Variants in ZNF207 observed in about 807,000 individuals in gnomAD.
The protein encoded by ZNF207 is zinc finger protein 207, also known as BUB3-interacting and GLEBS motif-containing protein ZNF207.
Under a neutral mutation model 60.2 loss-of-function variants are expected in ZNF207, and 24 were observed. The ratio of observed to expected loss-of-function variants is 0.40; its 90% CI spans 0.29 to 0.56. The LOEUF is 0.56. Among genes scored for constraint, ZNF207 ranks in the 20% least tolerant of loss-of-function variants. The pLI is 0.49. For missense variants in ZNF207, 452 were observed against 636.6 expected, an observed-to-expected ratio of 0.71 and a Z score of 3.12; for synonymous variants, 236 against 194.7, an observed-to-expected ratio of 1.21 and a Z score of -1.77.
At chr17:32,363,428 G>A (rs1381378791) in intron 7 of ZNF207, among the ~76,000 whole-genome samples, 1 of 151,126 alleles carries the variant, frequency 6.6e-6, no homozygotes, top group Non-Finnish European at 1.5e-5. Flanking sequence ...AGGTTTCAAA[G>A]CAGCCAAAGT....
chr17:32,363,903 AATG>A (rs1905027283), intron 7 of ZNF207, among the ~76,000 whole-genome samples: 1 of 152,192 alleles, frequency 6.6e-6, no homozygotes, highest in African/African-American at 2.4e-5. Flanking sequence ...TCAGTGGCTC[AATG>A]ATATTTATTA....
chr17:32,362,156 G>GTA (rs1491338844), intron 6 of ZNF207, among the ~76,000 whole-genome samples: 1 of 136,900 alleles, frequency 7.3e-6, no homozygotes, highest in East Asian at 2.0e-4. Flanking sequence ...GTGTGTGTGT[G>GTA]TATATGTATG....
intron 7 of ZNF207, among the ~76,000 whole-genome samples, chr17:32,364,066 T>A (rs1905038042): frequency 6.6e-6 from 1 of 151,546 alleles, no homozygotes; most frequent in Admixed American, 6.6e-5. Flanking sequence ...AGGGTGTTGG[T>A]CTGATACTCG....
At chr17:32,352,369 A>G (rs2041524061) in intron 2 of ZNF207, among the ~76,000 whole-genome samples, 2 of 152,212 alleles carry the variant, frequency 1.3e-5, no homozygotes, top group East Asian at 3.8e-4. Context: ...CATTAAAAAA[A>G]ACAAAAAATT....
In ZNF207 at chr17:32,373,406, A is replaced by G. The variant is rs1348057608; in HGVS notation, c.*3647A>G. 3 of 692,300 alleles carry G rather than the reference A, an allele frequency of 4.3e-6. No homozygotes were observed. 42.9% of individuals were successfully genotyped at this position (692,300 alleles called of 1,614,324 possible). On this transcript the variant is annotated 3_prime_UTR_variant, in exon 12 of 12. Coordinates refer to ENST00000394670, the MANE Select transcript of ZNF207 (RefSeq NM_001098507.2). Reference sequence around the variant, plus strand: ...ATTTTCTTCTTCCTATAGCCCTGCCATAGGACAGGCTGAGGCTGAGTCTCA... The same window carrying G: ...ATTTTCTTCTTCCTATAGCCCTGCCGTAGGACAGGCTGAGGCTGAGTCTCA...
chr17:32,354,396 C>CGCCT, intron 2 of ZNF207, among the ~76,000 whole-genome samples: 1 of 152,102 alleles, frequency 6.6e-6, no homozygotes, highest in Middle Eastern at 3.4e-3. Context: ...CTGCAGCCTC[C>CGCCT]GCCTCCTGGG....
rs1905368910 is a variant in ZNF207 at position 32,369,520 on chromosome 17, T to A, written c.1324+66T>A. 3 of 1,601,142 alleles carry A rather than the reference T, an allele frequency of 1.9e-6. No homozygotes were observed. In the East Asian group the frequency reaches 6.7e-5, roughly 36 times the overall value. On this transcript the variant is annotated intron_variant, in intron 11 of 11. Transcript: ENST00000394670. ...TAAGTTCACGCATAAAATATTAAATTTATCTGCAGCATACGTTGCACTTAA... is the reference window on the plus strand; with the variant it reads ...TAAGTTCACGCATAAAATATTAAATATATCTGCAGCATACGTTGCACTTAA...
At position 32,368,020 on chromosome 17, in the gene ZNF207, T is replaced by C; in HGVS notation, c.1164+6T>C. Reference sequence around the variant, plus strand: ...CAGATGAGGATATATCCCTGGTAAGTTGCTTTTAGTTTTCTACGAGCAGCA... The same window carrying C: ...CAGATGAGGATATATCCCTGGTAAGCTGCTTTTAGTTTTCTACGAGCAGCA... On this transcript the variant is annotated splice_donor_region_variant and intron_variant, in intron 10 of 11. Coordinates refer to ENST00000394670, the MANE Select transcript of ZNF207 (RefSeq NM_001098507.2). 1 of 1,613,040 alleles carries C rather than the reference T, an allele frequency of 6.2e-7. No homozygotes were observed. The highest frequency in any genetic ancestry group is 8.5e-7 in the Non-Finnish European group (1 of 1,179,128).
intron 7 of ZNF207, among the ~76,000 whole-genome samples, chr17:32,364,458 A>C (rs1212875023): frequency 6.6e-6 from 1 of 151,150 alleles, no homozygotes; most frequent in African/African-American, 2.4e-5. Context: ...CCTGGGTTCA[A>C]GCGATTTTCT....
intron 2 of ZNF207, among the ~76,000 whole-genome samples, chr17:32,357,346 TTA>T (rs1491059254): frequency 1.9e-4 from 14 of 74,162 alleles, no homozygotes; most frequent in Admixed American, 1.3e-3. Context: ...ATTATTATTA[TTA>T]TTATTTTTTT....
Position 32,376,079 on chromosome 17 carries a change from A to G in ZNF207, c.*6320A>G, listed in dbSNP as rs1443023375. On this transcript the variant is annotated 3_prime_UTR_variant, in exon 12 of 12. Coordinates refer to ENST00000394670, the MANE Select transcript of ZNF207 (RefSeq NM_001098507.2). Reference sequence around the variant, plus strand: ...CAAAATAAGCACTTGATGTATGGTCATGTACATAATGGATATTCATTAATT... The same window carrying G: ...CAAAATAAGCACTTGATGTATGGTCGTGTACATAATGGATATTCATTAATT... 2.6e-5 allele frequency: 4 copies of G among 152,074 alleles called. No homozygotes were observed. The highest frequency in any genetic ancestry group is 2.6e-4 in the Admixed American group (4 of 15,274). 9.4% of individuals were successfully genotyped at this position (152,074 alleles called of 1,614,324 possible). A position where few individuals can be genotyped will look rare whatever the true frequency, so the allele number is the denominator to read the frequency against.
At chr17:32,358,262 T>C (rs866674797) in intron 2 of ZNF207, among the ~76,000 whole-genome samples, 1 of 152,364 alleles carries the variant, frequency 6.6e-6, no homozygotes, top group South Asian at 2.1e-4. Flanking sequence ...CAAGTGTTTT[T>C]TATATACAGT....
Position 32,381,725 on chromosome 17 carries a change from G to GA in ZNF207, c.*11968dup, listed in dbSNP as rs1905895553. ...TGCTTTATTTCCATATCTGAAGCCT[G>GA]AAGTTATTTTTTAGTTTGTTTTCAT... is the stretch of plus-strand genomic sequence containing the variant. On this transcript the variant is annotated 3_prime_UTR_variant, in exon 12 of 12. Coordinates refer to ENST00000394670, the MANE Select transcript of ZNF207 (RefSeq NM_001098507.2). 1 of 152,136 alleles carries GA rather than the reference G, an allele frequency of 6.6e-6. No homozygotes were observed. Among genetic ancestry groups the GA allele is most frequent in the Non-Finnish European group, 1.5e-5 (1 of 68,012 alleles). The allele number at this position is 152,136 out of a possible 1,614,324, so 9.4% of individuals were successfully genotyped here.
rs376474614 is a variant in ZNF207 at position 32,368,063 on chromosome 17, A to G, written c.1164+49A>G. On this transcript the variant is annotated intron_variant, in intron 10 of 11. Transcript: ENST00000394670. The stretch of plus-strand genomic sequence containing the variant: ...GAGCAGCATTTGATTTAAAGCCATT[A>G]TAGCAGTTCGTCCCTTTAAAATAAG... 20 of 1,605,940 alleles carry G rather than the reference A, an allele frequency of 1.2e-5. No homozygotes were observed. The African/African-American group carries it at 2.3e-4, about 18-fold the overall frequency.
Position 32,358,658 on chromosome 17 carries a change from GTTTTA to G in ZNF207, c.307+26_307+30del, listed in dbSNP as rs755783598. The stretch of plus-strand genomic sequence containing the variant: ...AAACACAAGGTAAATATTGGGATAA[GTTTTA>G]TTTTATTTATTTATTTTTTTTAATT... On this transcript the variant is annotated intron_variant, in intron 3 of 11. Coordinates refer to ENST00000394670, the MANE Select transcript of ZNF207 (RefSeq NM_001098507.2). The G allele has an allele frequency of 5.7e-6, 8 of 1,415,022 alleles. No homozygotes were observed. In the African/African-American group the frequency reaches 9.0e-5, roughly 16 times the overall value. 87.7% of individuals were successfully genotyped at this position (1,415,022 alleles called of 1,614,324 possible).
rs1905345552 is a variant in ZNF207 at position 32,369,164 on chromosome 17, G to A, written c.1165-131G>A. ...AGTTGGATTGGTTTGTCTGGCAAAA[G>A]TAAATAGTTGGGATGTAAGGGTAAA... On this transcript the variant is annotated intron_variant, in intron 10 of 11. Coordinates refer to ENST00000394670, the MANE Select transcript of ZNF207 (RefSeq NM_001098507.2). 7 of 966,166 alleles carry A rather than the reference G, an allele frequency of 7.2e-6. No individual in the cohort carries two copies. The African/African-American group carries it at 9.8e-5, about 14-fold the overall frequency. The allele number at this position is 966,166 out of a possible 1,614,324, so 59.8% of individuals were successfully genotyped here.
chr17:32,379,822 A>G lies in ZNF207; in HGVS notation c.*10063A>G, dbSNP rs534362977. ...GTATACCAGTGAAAATTAGCTTCTGAGTAAATTTCTAATTTATGCCCTGCT... is the reference window on the plus strand; with the variant it reads ...GTATACCAGTGAAAATTAGCTTCTGGGTAAATTTCTAATTTATGCCCTGCT... On this transcript the variant is annotated 3_prime_UTR_variant, in exon 12 of 12. Coordinates refer to ENST00000394670, the MANE Select transcript of ZNF207 (RefSeq NM_001098507.2). The G allele has an allele frequency of 1.3e-5, 2 of 152,336 alleles. No individual in the cohort carries two copies. The highest frequency in any genetic ancestry group is 2.9e-5 in the Non-Finnish European group (2 of 68,012). 9.4% of individuals were successfully genotyped at this position (152,336 alleles called of 1,614,324 possible).
intron 7 of ZNF207, among the ~76,000 whole-genome samples, chr17:32,364,560 A>G (rs1054439344): frequency 1.3e-5 from 2 of 151,746 alleles, no homozygotes; most frequent in African/African-American, 4.8e-5. Context: ...GGGTTTCACC[A>G]TGTTGGTCAG....
chr17:32,368,044 C>G (rs1905282666), intron 10 of ZNF207, 30 bp downstream of exon 10: 2 of 1,611,846 alleles, frequency 1.2e-6, no homozygotes. Flanking sequence ...CTACGAGCAG[C>G]ATTTGATTTA....
Sources: allele counts gnomAD v4.1 joint callset (sites outside exome capture counted in the v4.1 genomes callset), GRCh38; gene constraint gnomAD v4.1.1; transcripts MANE v1.5; gene names NCBI Gene and HGNC (gene_info 2026-07-23, HGNC 2026-07-21).